Variants in STPG2 observed in about 807,000 individuals in gnomAD.
The protein encoded by STPG2 is sperm tail PG-rich repeat containing 2.
A neutral mutation model predicts 54.2 loss-of-function variants in STPG2; 56 were observed. The ratio of observed to expected loss-of-function variants is 1.03; its 90% CI spans 0.83 to 1.29. The LOEUF is 1.29. Among genes scored for constraint, STPG2 ranks in the 50% most tolerant of loss-of-function variants. The pLI is 0.00. For missense variants in STPG2, 596 were observed against 544.9 expected (o/e 1.09, Z -0.93); for synonymous variants, 200 against 181.8 (o/e 1.10, Z -0.81).
intron 9 of STPG2, among the ~76,000 whole-genome samples, chr4:97,800,011 G>C (rs555885471): frequency 6.6e-6 from 1 of 152,024 alleles, no homozygotes; most frequent in Non-Finnish European, 1.5e-5. Context: ...CGTAGTTCTC[G>C]TGCCATGGTT....
chr4:97,793,363 T>TTA (rs111505004), intron 9 of STPG2, among the ~76,000 whole-genome samples: 59,069 of 138,312 alleles, frequency 0.43, 11,724 homozygotes, highest in Middle Eastern at 0.51. Context: ...AATTAGAGTT[T>TTA]TATATATACA....
At chr4:97,649,004 A>G (rs1275381577) in intron 10 of STPG2, among the ~76,000 whole-genome samples, 1 of 152,104 alleles carries the variant, frequency 6.6e-6, no homozygotes, top group Non-Finnish European at 1.5e-5. Flanking sequence ...TCTGATGATA[A>G]TTCAGAACAT....
intron 5 of STPG2, among the ~76,000 whole-genome samples, chr4:98,045,697 A>T (rs1270803249): frequency 6.6e-6 from 1 of 152,066 alleles, no homozygotes; most frequent in Non-Finnish European, 1.5e-5. Context: ...GATTTTTGCT[A>T]AAAAATATTT....
intron 10 of STPG2, among the ~76,000 whole-genome samples, chr4:97,684,613 T>G (rs967752712): frequency 1.1e-4 from 17 of 151,966 alleles, no homozygotes; most frequent in Non-Finnish European, 4.4e-5. Flanking sequence ...ATCGTAGACC[T>G]AAGTATAAAA....
At chr4:98,052,398 T>C (rs1387447472) in intron 5 of STPG2, among the ~76,000 whole-genome samples, 1 of 152,176 alleles carries the variant, frequency 6.6e-6, no homozygotes, top group Non-Finnish European at 1.5e-5. Context: ...TTTAAAAATA[T>C]TATCTATTAA....
chr4:98,113,683 G>A (rs994387605), intron 3 of STPG2, among the ~76,000 whole-genome samples: 2 of 151,792 alleles, frequency 1.3e-5, no homozygotes. Context: ...ATTCTTAATA[G>A]CATTATTATT....
At chr4:98,062,736 G>C (rs144139681) in intron 5 of STPG2, among the ~76,000 whole-genome samples, 98 of 151,898 alleles carry the variant, frequency 6.5e-4, no homozygotes, top group African/African-American at 2.2e-3. Flanking sequence ...GAAGATGATG[G>C]TAACTATATA....
chr4:97,708,716 AT>A (rs1210418080), intron 10 of STPG2, among the ~76,000 whole-genome samples: 2 of 151,748 alleles, frequency 1.3e-5, no homozygotes, highest in East Asian at 3.9e-4. Context: ...ACTTTTTTCT[AT>A]TTTTTGGTGA....
rs187319968 is a variant in STPG2, at chr4:97,818,786, T to C, written c.1204+21987A>G. Among the ~76,000 whole-genome samples the C allele has an allele frequency of 2.7e-3, 416 of 151,834 alleles. 3 individuals carry two copies. The highest frequency in any genetic ancestry group is 9.3e-3 in the African/African-American group (387 of 41,488). ...CCAGTCTTCAGTTCTTTAGAAGTAC[T>C]CAAAAAGTGAATTACTTTATTCTAA... is the stretch of plus-strand genomic sequence containing the variant. On this transcript the variant is annotated intron_variant, in intron 9 of 10. Transcript: ENST00000295268.
intron 4 of STPG2, among the ~76,000 whole-genome samples, chr4:97,542,431 C>T (rs1037960367): frequency 6.6e-6 from 1 of 152,170 alleles, no homozygotes; most frequent in South Asian, 2.1e-4. Context: ...AATCATCTCA[C>T]ACCAGTTAGA....
intron 10 of STPG2, among the ~76,000 whole-genome samples, chr4:97,693,717 T>G (rs1210188046): frequency 2.6e-5 from 4 of 152,178 alleles, no homozygotes; most frequent in Non-Finnish European, 4.4e-5. Flanking sequence ...ATATACATTC[T>G]ATTCATTAGC....
At chr4:97,619,117 A>T (rs1733941622) in intron 10 of STPG2, among the ~76,000 whole-genome samples, 1 of 152,174 alleles carries the variant, frequency 6.6e-6, no homozygotes, top group Non-Finnish European at 1.5e-5. Flanking sequence ...TATTAAGGAT[A>T]AAACAGTAAG....
At chr4:97,911,069 G>C (rs918794515) in intron 8 of STPG2, among the ~76,000 whole-genome samples, 2 of 152,206 alleles carry the variant, frequency 1.3e-5, no homozygotes, top group Non-Finnish European at 2.9e-5. Context: ...GGAGCTCCCA[G>C]CTCCAGCCAA....
chr4:98,127,392 T>G (rs1204428673), intron 3 of STPG2, among the ~76,000 whole-genome samples: 1 of 152,204 alleles, frequency 6.6e-6, no homozygotes, highest in Non-Finnish European at 1.5e-5. Context: ...CCAGTGTAGC[T>G]ACTGCCACAA....
intron 10 of STPG2, among the ~76,000 whole-genome samples, chr4:97,579,892 T>A (rs1732820828): frequency 6.6e-6 from 1 of 152,066 alleles, no homozygotes; most frequent in South Asian, 2.1e-4. Context: ...AGTTGTAGAC[T>A]TATACATATA....
chr4:97,697,062 C>T (rs1723599768), intron 10 of STPG2, among the ~76,000 whole-genome samples: 1 of 152,174 alleles, frequency 6.6e-6, no homozygotes, highest in Non-Finnish European at 1.5e-5. Flanking sequence ...GCTTGAATTG[C>T]ACCTCTCTGT....
chr4:97,795,987 A>G (rs542944869), intron 9 of STPG2, among the ~76,000 whole-genome samples: 1 of 152,304 alleles, frequency 6.6e-6, no homozygotes, highest in South Asian at 2.1e-4. Flanking sequence ...TGTTGGCTGC[A>G]TAAATGTCTT....
chr4:97,554,001 T>G (rs1007530815), downstream of STPG2, among the ~76,000 whole-genome samples: 1 of 152,238 alleles, frequency 6.6e-6, no homozygotes, highest in Non-Finnish European at 1.5e-5. Context: ...CTAACAGTTC[T>G]AAGGTCTGTA....
intron 7 of STPG2, among the ~76,000 whole-genome samples, chr4:97,954,860 C>CA (rs1232388476): frequency 6.6e-6 from 1 of 151,014 alleles, no homozygotes; most frequent in Non-Finnish European, 1.5e-5. Flanking sequence ...AAGGCATGGT[C>CA]AAAAATCAAG....
Sources: gnomAD v4.1 joint callset for allele counts (sites outside exome capture counted in the v4.1 genomes callset) on GRCh38, gnomAD v4.1.1 for gene constraint, MANE v1.5 for transcripts, NCBI Gene and HGNC (gene_info 2026-07-23, HGNC 2026-07-21) for gene names.